The following SGSM2 variants were observed in gnomAD, a reference collection of about 807,000 sequenced individuals.
The protein encoded by SGSM2 is RUN and TBC1 domain containing 1.
A neutral mutation model predicts 126.6 loss-of-function variants in SGSM2; 89 were observed. The ratio of observed to expected loss-of-function variants is 0.70; its 90% CI spans 0.59 to 0.84. The LOEUF (loss-of-function observed/expected upper bound fraction) is 0.84. SGSM2 is among the 40% of genes least tolerant of loss of function. The pLI is 0.00. For synonymous variants in SGSM2, 614 were observed against 574.3 expected, an observed-to-expected ratio of 1.07 and a Z score of -0.99; for missense variants, 1,404 against 1,416.6, an observed-to-expected ratio of 0.99 and a Z score of 0.14.
chr17:2,342,743 C>CA (rs758886439), intron 1 of SGSM2, among the ~76,000 whole-genome samples: 4 of 126,528 alleles, frequency 3.2e-5, no homozygotes, highest in Non-Finnish European at 6.9e-5. Context: ...TTTGGGAGGC[C>CA]GGGCGGGTGG....
intron 1 of SGSM2, among the ~76,000 whole-genome samples, chr17:2,338,043 C>G (rs1010757344): frequency 1.3e-5 from 2 of 151,866 alleles, no homozygotes; most frequent in Admixed American, 6.6e-5. Context: ...GCGGCGATGG[C>G]GGGGATGGCT....
chr17:2,372,105 C>A lies in SGSM2; in HGVS notation c.1578-85C>A. 6.6e-7 allele frequency: 1 copy of A among 1,526,158 alleles called. No homozygotes were observed. The highest frequency in any genetic ancestry group is 1.1e-5 in the South Asian group (1 of 88,874). 94.5% of individuals were successfully genotyped at this position (1,526,158 alleles called of 1,614,324 possible). On this transcript the variant is annotated intron_variant, in intron 13 of 23. Coordinates refer to ENST00000268989, the MANE Select transcript of SGSM2 (RefSeq NM_014853.3). The surrounding 1 kb of genome is among the most constrained non-coding windows in gnomAD (Gnocchi z 6.0). ...ACCCTCCCCAGTGCCTTACCTGCCC[C>A]CCAGGACAGAGCCTCCTCCCTTCTC...
At chr17:2,378,681 G>C (rs2066285491) in intron 22 of SGSM2, among the ~76,000 whole-genome samples, 2 of 152,236 alleles carry the variant, frequency 1.3e-5, no homozygotes, top group African/African-American at 2.4e-5. Context: ...TGAGCACCAA[G>C]ATGGGAGGCC....
rs1567822163 is a variant in SGSM2 at position 2,362,213 on chromosome 17, C to CG, written c.403dup (p.Ala135GlyfsTer51). Reference sequence around the variant, plus strand: ...GCCTTGAAACACGTATGGGTACGCACGGCGCTCATCGAGAAAGTTCTGGAC... The same window carrying CG: ...GCCTTGAAACACGTATGGGTACGCACGGGCGCTCATCGAGAAAGTTCTGGAC... On this transcript the variant is annotated frameshift_variant, in exon 4 of 24. Transcript: ENST00000268989. LOFTEE classifies it high-confidence loss of function. The surrounding 1 kb of genome is among the most constrained non-coding windows in gnomAD (Gnocchi z 4.9). 5 of 1,613,794 alleles carry CG rather than the reference C, an allele frequency of 3.1e-6. No individual in the cohort carries two copies.
Position 2,367,527 on chromosome 17 carries a change from T to C in SGSM2, c.1423+122T>C. 1.8e-6 allele frequency: 2 copies of C among 1,124,072 alleles called. No individual in the cohort carries two copies. The highest frequency in any genetic ancestry group is 2.5e-6 in the Non-Finnish European group (2 of 791,412). The allele number at this position is 1,124,072 out of a possible 1,614,324, so 69.6% of individuals were successfully genotyped here. A position where few individuals can be genotyped will look rare whatever the true frequency, so the allele number is the denominator to read the frequency against. Reference sequence around the variant, plus strand: ...ATTAGGGGACTTGCACCCAGGGCAGTTCCCTTCCATCGGGGGCAGATCAGG... The same window carrying C: ...ATTAGGGGACTTGCACCCAGGGCAGCTCCCTTCCATCGGGGGCAGATCAGG... On this transcript the variant is annotated intron_variant, in intron 12 of 23. Coordinates refer to ENST00000268989, the MANE Select transcript of SGSM2 (RefSeq NM_014853.3). This position sits in a 1 kb window ranked among gnomAD's most constrained non-coding sequence, Gnocchi z 4.0.
At chr17:2,357,784 A>G (rs1597343101) in intron 2 of SGSM2, among the ~76,000 whole-genome samples, 1 of 152,196 alleles carries the variant, frequency 6.6e-6, no homozygotes, top group Non-Finnish European at 1.5e-5. Context: ...GGTGTGAGCC[A>G]CCATGCCCAG....
intron 2 of SGSM2, among the ~76,000 whole-genome samples, chr17:2,344,886 G>T (rs777794086): frequency 1.3e-5 from 2 of 152,114 alleles, no homozygotes; most frequent in African/African-American, 4.8e-5. Context: ...AGGAACTTTC[G>T]TGGGGATTGA....
chr17:2,364,247 G>A, intron 8 of SGSM2, 64 bp downstream of exon 8: 3 of 1,601,850 alleles, frequency 1.9e-6, no homozygotes, highest in Non-Finnish European at 2.6e-6. Context: ...TCAGGCAGAG[G>A]GATGGAGAAA....
At chr17:2,345,778 A>C (rs1387489176) in intron 2 of SGSM2, among the ~76,000 whole-genome samples, 1 of 152,126 alleles carries the variant, frequency 6.6e-6, no homozygotes, top group Non-Finnish European at 1.5e-5. Flanking sequence ...TATCGGGCTA[A>C]GTCAGGCCAG....
In SGSM2 at chr17:2,372,239, C is replaced by T. The variant is rs750468535; in HGVS notation, c.1627C>T (p.Arg543Trp). The change falls in exon 14 of 24, where the codon CGG (arginine) becomes TGG (tryptophan). Residue 543 changes from arginine to tryptophan, a missense_variant. By Grantham distance (101) the Arg-to-Trp change is moderately radical (BLOSUM62 -3). Coordinates refer to ENST00000268989, the MANE Select transcript of SGSM2 (RefSeq NM_014853.3). The surrounding 1 kb of genome is among the most constrained non-coding windows in gnomAD (Gnocchi z 6.0). ...CESMKRQIVS[R>W]AFYGWLAHCR... ...GAGTATGAAGAGGCAGATCGTGTCC[C>T]GGGCCTTCTACGGCTGTGAGTGTGG... 1.2e-5 allele frequency: 19 copies of T among 1,613,022 alleles called. No homozygotes were observed. Among genetic ancestry groups the T allele is most frequent in the South Asian group, 2.2e-5 (2 of 91,090 alleles).
rs755987916 is a variant in SGSM2 at position 2,343,565 on chromosome 17, G to A, written c.78G>A (p.Glu26=). ...VKKEVKQIME[E]AVTRKFVHED... is the part of the protein sequence containing the mutation. ...CGCAGGTGAAGCAAATCATGGAGGA[G>A]GCTGTCACCAGGAAGTTTGTGCATG... Residue 26 remains glutamate, a synonymous_variant, in exon 2 of 24, where the codon GAG becomes GAA. Coordinates refer to ENST00000268989, the MANE Select transcript of SGSM2 (RefSeq NM_014853.3). The A allele has an allele frequency of 3.1e-6, 5 of 1,614,086 alleles. No homozygotes were observed. In the South Asian group the frequency reaches 5.5e-5, roughly 18 times the overall value.
chr17:2,373,151 C>A, intron 16 of SGSM2, 70 bp downstream of exon 16: 1 of 1,588,962 alleles, frequency 6.3e-7, no homozygotes, highest in Non-Finnish European at 8.6e-7. Flanking sequence ...GGGAGGGGAC[C>A]TTGGAAGCCT....
chr17:2,349,240 A>T (rs4790328), intron 2 of SGSM2, among the ~76,000 whole-genome samples: 2 of 151,842 alleles, frequency 1.3e-5, no homozygotes, highest in Non-Finnish European at 2.9e-5. Context: ...GCTGGGCATC[A>T]TGGTGCACGC....
chr17:2,380,279 A>G lies in SGSM2; in HGVS notation c.*759A>G. On this transcript the variant is annotated 3_prime_UTR_variant, in exon 24 of 24. Coordinates refer to ENST00000268989, the MANE Select transcript of SGSM2 (RefSeq NM_014853.3). ...TTCTGCATTAGGTACTTCCCTGAAA[A>G]CCACGTGTAAGAAGTGATGCTTTTG... 6.5e-7 allele frequency: 1 copy of G among 1,535,908 alleles called. No homozygotes were observed. The highest frequency in any genetic ancestry group is 2.0e-5 in the Admixed American group (1 of 51,002).
chr17:2,361,693 C>T lies in SGSM2; in HGVS notation c.190C>T (p.Arg64Cys), dbSNP rs61745009. The T allele has an allele frequency of 3.2e-5, 51 of 1,613,982 alleles. No individual in the cohort carries two copies. The highest frequency in any genetic ancestry group is 3.1e-4 in the African/African-American group (23 of 75,050). The change falls in exon 3 of 24, where the codon CGC (arginine) becomes TGC (cysteine). Residue 64 changes from arginine to cysteine, a missense_variant. By Grantham distance (180) the Arg-to-Cys change is radical. Coordinates refer to ENST00000268989, the MANE Select transcript of SGSM2 (RefSeq NM_014853.3). Reference protein sequence around the residue: ...QLRRRAAGFLRSDKMAALFTK... With the variant: ...QLRRRAAGFLCSDKMAALFTK... ...GAGACGCCGTGCCGCTGGCTTCCTGCGCAGTGACAAGATGGCAGCCCTGTT... is the reference window on the plus strand; with the variant it reads ...GAGACGCCGTGCCGCTGGCTTCCTGTGCAGTGACAAGATGGCAGCCCTGTT...
chr17:2,346,519 G>A (rs775744444), intron 2 of SGSM2, among the ~76,000 whole-genome samples: 4 of 152,200 alleles, frequency 2.6e-5, no homozygotes, highest in Non-Finnish European at 5.9e-5. Flanking sequence ...GTTACCCAAC[G>A]GGAGGGGCAA....
intron 2 of SGSM2, among the ~76,000 whole-genome samples, chr17:2,352,202 C>T (rs948428144): frequency 6.6e-6 from 1 of 152,202 alleles, no homozygotes; most frequent in African/African-American, 2.4e-5. Context: ...TCCTTTATCT[C>T]CAGGAAGGCT....
chr17:2,371,218 G>C (rs374216318), intron 12 of SGSM2, 44 bp from the exon 13 acceptor site: 127 of 1,582,990 alleles, frequency 8.0e-5, no homozygotes, highest in Non-Finnish European at 9.8e-5. Context: ...GCCTGGGAGA[G>C]AAGGTGTCTC....
rs765789923 is a variant in SGSM2 at position 2,356,975 on chromosome 17, T to TGGGGA, written c.134-4662_134-4661insGGGGA. 1.5e-4 allele frequency among the ~76,000 whole-genome samples: 22 copies of TGGGGA among 144,962 alleles called. 1 individual carries two copies. The highest frequency in any genetic ancestry group is 2.7e-4 in the Non-Finnish European group (18 of 65,774). On this transcript the variant is annotated intron_variant, in intron 2 of 23. Transcript: ENST00000268989. ...AATGGTGGAATTGGGGTGTAAGGGT[T>TGGGGA]AGGGAAGGGACCCCATATCTTAGAA...
Sources: allele counts gnomAD v4.1 joint callset (sites outside exome capture counted in the v4.1 genomes callset), GRCh38; gene constraint gnomAD v4.1.1; non-coding constraint Gnocchi (gnomAD v3.1); transcripts MANE v1.5; gene names NCBI Gene and HGNC (gene_info 2026-07-23, HGNC 2026-07-21).